SORBS2: variants seen among roughly 807,000 people sequenced by gnomAD.
SORBS2 encodes sorbin and SH3 domain containing 2, also known as sorbin and SH3 domain-containing protein 2.
A neutral mutation model predicts 97.7 loss-of-function variants in SORBS2; 46 were observed. That is an observed-to-expected ratio of 0.47 (90% CI 0.37 to 0.60). The LOEUF (loss-of-function observed/expected upper bound fraction) is 0.60. Ranked by LOEUF, SORBS2 falls within the 20% of genes least tolerant of loss-of-function variation. SORBS2 has a pLI of 0.00. For synonymous variants in SORBS2, 476 were observed against 473.4 expected, an observed-to-expected ratio of 1.01 and a Z score of -0.07; for missense variants, 1,316 against 1,282.3, an observed-to-expected ratio of 1.03 and a Z score of -0.40.
chr4:185,866,146 C>A (rs577327201), intron 1 of SORBS2, among the ~76,000 whole-genome samples: 2 of 152,224 alleles, frequency 1.3e-5, no homozygotes, highest in East Asian at 1.9e-4. Flanking sequence ...TTCCTGTCAC[C>A]AGCCAGTTGT....
chr4:185,908,302 TATATATATATA>T (rs2099252554), intron 1 of SORBS2, among the ~76,000 whole-genome samples: 1 of 94,074 alleles, frequency 1.1e-5, no homozygotes, highest in Admixed American at 9.9e-5. Context: ...TATATATATA[TATATATATATA>T]TATATATATT....
At chr4:185,936,644 ATCCCATATTTC>A (rs1462465786) in intron 1 of SORBS2, among the ~76,000 whole-genome samples, 1 of 152,198 alleles carries the variant, frequency 6.6e-6, no homozygotes, top group Non-Finnish European at 1.5e-5. Context: ...ATAACCATAA[ATCCCATATTTC>A]TGATCATTCC....
intron 4 of SORBS2, among the ~76,000 whole-genome samples, chr4:185,640,836 C>T (rs866054151): frequency 1.9e-4 from 29 of 152,180 alleles, no homozygotes; most frequent in African/African-American, 6.8e-4. Flanking sequence ...ATTTCTTCTA[C>T]AGGAAAACTA....
chr4:185,798,780 T>C (rs958256782), intron 1 of SORBS2, among the ~76,000 whole-genome samples: 1 of 152,222 alleles, frequency 6.6e-6, no homozygotes, highest in African/African-American at 2.4e-5. Context: ...AGAACAGCAC[T>C]GCTCACTGCC....
intron 2 of SORBS2, among the ~76,000 whole-genome samples, chr4:185,731,854 CTCTCTCTCTCTCTATATATATA>C (rs1376552267): frequency 2.4e-4 from 8 of 33,788 alleles, no homozygotes; most frequent in South Asian, 1.2e-3. Context: ...CTCTCTCTCT[CTCTCTCTCTCTCTATATATATA>C]TATATATATA....
At chr4:185,659,498 G>T (rs1351596428), upstream of SORBS2, among the ~76,000 whole-genome samples, 1 of 151,722 alleles carries the variant, frequency 6.6e-6, no homozygotes, top group Non-Finnish European at 1.5e-5. Flanking sequence ...CTCACTGCAA[G>T]CTCCACCTCC....
intron 4 of SORBS2, among the ~76,000 whole-genome samples, chr4:185,663,879 G>T (rs2097558268): frequency 7.5e-6 from 1 of 133,850 alleles, no homozygotes; most frequent in Non-Finnish European, 1.6e-5. Flanking sequence ...TTTTGAGATG[G>T]AGTCTCGCTC....
At chr4:185,956,232 G>A (rs62336497) in exon 1 of SORBS2, 51,085 of 152,156 alleles carry the variant, frequency 0.34, 8,876 homozygotes, top group Admixed American at 0.39. Context: ...GAAAATCGCT[G>A]TCTTGTCGGC....
At chr4:185,821,263 G>T (rs1268776696) in intron 1 of SORBS2, among the ~76,000 whole-genome samples, 1 of 152,218 alleles carries the variant, frequency 6.6e-6, no homozygotes, top group Non-Finnish European at 1.5e-5. Flanking sequence ...TGGCAGCTGT[G>T]ACTGAGAGGT....
chr4:185,928,715 A>G (rs368390303), intron 1 of SORBS2, among the ~76,000 whole-genome samples: 4 of 151,794 alleles, frequency 2.6e-5, no homozygotes, highest in Non-Finnish European at 5.9e-5. Context: ...CTGGCTAATT[A>G]TTTTGTATTT....
intron 2 of SORBS2, chr4:185,740,022 C>T (rs2098712352): frequency 6.6e-6 from 1 of 152,628 alleles, no homozygotes; most frequent in Non-Finnish European, 1.5e-5. Context: ...CCGGGTCTCC[C>T]ATGGTAAAAT....
At chr4:185,812,307 G>A (rs897261778) in intron 1 of SORBS2, 113 bp from the exon 1 acceptor site, 15 of 152,228 alleles carry the variant, frequency 9.9e-5, no homozygotes, top group African/African-American at 3.4e-4. Context: ...GACAGACTTA[G>A]CAAGCATGGC....
chr4:185,627,613 C>T (rs1226149621), intron 5 of SORBS2, among the ~76,000 whole-genome samples: 1 of 152,080 alleles, frequency 6.6e-6, no homozygotes, highest in Non-Finnish European at 1.5e-5. Flanking sequence ...GCACAGTTTC[C>T]CTTATCATTT....
chr4:185,783,893 A>G (rs2099043337), intron 1 of SORBS2, among the ~76,000 whole-genome samples: 1 of 152,146 alleles, frequency 6.6e-6, no homozygotes, highest in African/African-American at 2.4e-5. Context: ...CTATTCCCAT[A>G]TTCATTACTC....
At chr4:185,732,047 C>T (rs1562184722) in intron 2 of SORBS2, among the ~76,000 whole-genome samples, 1 of 151,778 alleles carries the variant, frequency 6.6e-6, no homozygotes, top group Non-Finnish European at 1.5e-5. Context: ...TATCTGACCT[C>T]CTTTTTTGCA....
chr4:185,740,256 C>T (rs1444208879), intron 2 of SORBS2: 1 of 152,330 alleles, frequency 6.6e-6, no homozygotes, highest in Non-Finnish European at 1.5e-5. Context: ...ACACATCATA[C>T]TTGGGCTTCG....
chr4:185,601,893 A>C (rs895765259), intron 12 of SORBS2, among the ~76,000 whole-genome samples: 2 of 152,214 alleles, frequency 1.3e-5, no homozygotes, highest in Non-Finnish European at 2.9e-5. Context: ...AGAAACCTAA[A>C]AAAGAGCCTC....
chr4:185,607,026 A>C lies in SORBS2; in HGVS notation c.2796+4754T>G, dbSNP rs1397171889. Reference sequence around the variant, plus strand: ...AAGGCTGGGCTGCAGCCGAGGCCACACCCGCGTGAGTGGAAGGTGATTCGG... The same window carrying C: ...AAGGCTGGGCTGCAGCCGAGGCCACCCCCGCGTGAGTGGAAGGTGATTCGG... On this transcript the variant is annotated intron_variant, in intron 12 of 14. Coordinates refer to ENST00000418609, the Ensembl canonical transcript of SORBS2. The surrounding 1 kb of genome is among the most constrained non-coding windows in gnomAD (Gnocchi z 5.2). 9.8e-7 allele frequency: 1 copy of C among 1,019,028 alleles called. No homozygotes were observed. Among genetic ancestry groups the C allele is most frequent in the Non-Finnish European group, 1.2e-6 (1 of 850,012 alleles). 63.1% of individuals were successfully genotyped at this position (1,019,028 alleles called of 1,614,324 possible).
intron 1 of SORBS2, among the ~76,000 whole-genome samples, chr4:185,820,303 T>C (rs1485870606): frequency 2.0e-5 from 3 of 152,256 alleles, no homozygotes; most frequent in Non-Finnish European, 4.4e-5. Flanking sequence ...CGGCGCTGTG[T>C]GAACAGCCAG....
Sources: allele counts gnomAD v4.1 joint callset (sites outside exome capture counted in the v4.1 genomes callset), GRCh38; gene constraint gnomAD v4.1.1; non-coding constraint Gnocchi (gnomAD v3.1); transcripts MANE v1.5; gene names NCBI Gene and HGNC (gene_info 2026-07-23, HGNC 2026-07-21).